The following PRKG1 variants were observed in gnomAD, a reference collection of about 807,000 sequenced individuals.
PRKG1 encodes the protein cGMP-dependent protein kinase 1.
A neutral mutation model predicts 88.1 loss-of-function variants in PRKG1; 35 were observed. That is an observed-to-expected ratio of 0.40 (90% CI 0.30 to 0.53). The LOEUF (loss-of-function observed/expected upper bound fraction) is 0.53, where lower values mean the gene tolerates loss of function less well. Ranked by LOEUF, PRKG1 falls within the 20% of genes least tolerant of loss-of-function variation. The pLI is 0.59. For synonymous variants in PRKG1, 303 were observed against 292.5 expected, an observed-to-expected ratio of 1.04 and a Z score of -0.37; for missense variants, 540 against 839.8, an observed-to-expected ratio of 0.64 and a Z score of 4.41.
intron 8 of PRKG1, among the ~76,000 whole-genome samples, chr10:52,147,366 C>G (rs1284872839): frequency 1.3e-5 from 2 of 152,268 alleles, no homozygotes; most frequent in African/African-American, 4.8e-5. Flanking sequence ...TTCTCAGCAT[C>G]CAAATATGAT....
chr10:51,624,068 A>G (rs1185744544), intron 3 of PRKG1, among the ~76,000 whole-genome samples: 2 of 152,140 alleles, frequency 1.3e-5, no homozygotes, highest in African/African-American at 4.8e-5. Context: ...TCCAGCATGA[A>G]ATGACAGAAA....
At chr10:52,011,263 A>G (rs193011103) in intron 5 of PRKG1, among the ~76,000 whole-genome samples, 1 of 152,182 alleles carries the variant, frequency 6.6e-6, no homozygotes, top group South Asian at 2.1e-4. Flanking sequence ...TTTATGCTAC[A>G]TAGTTCTAGG....
chr10:51,818,883 T>G (rs1169888496), intron 4 of PRKG1, among the ~76,000 whole-genome samples: 1 of 128,604 alleles, frequency 7.8e-6, no homozygotes, highest in Non-Finnish European at 1.5e-5. Context: ...GGTGGGCGCC[T>G]GTAGTCCCAG....
intron 5 of PRKG1, among the ~76,000 whole-genome samples, chr10:52,004,363 A>C (rs947463809): frequency 6.6e-6 from 1 of 152,220 alleles, no homozygotes; most frequent in African/African-American, 2.4e-5. Flanking sequence ...GCATGTTGAT[A>C]AACAGGTAGA....
chr10:51,812,770 T>C (rs1410528170), intron 4 of PRKG1, among the ~76,000 whole-genome samples: 2 of 152,180 alleles, frequency 1.3e-5, no homozygotes, highest in African/African-American at 4.8e-5. Context: ...AATGATGATT[T>C]TTTTTTCTCT....
At chr10:51,133,676 G>C (rs1845624346) in intron 1 of PRKG1, among the ~76,000 whole-genome samples, 2 of 152,126 alleles carry the variant, frequency 1.3e-5, no homozygotes, top group African/African-American at 2.4e-5. Context: ...AATGAAAAAA[G>C]AGATGGCCTA....
chr10:51,679,735 T>A (rs1458425364), intron 3 of PRKG1, among the ~76,000 whole-genome samples: 17 of 146,500 alleles, frequency 1.2e-4, no homozygotes, highest in Non-Finnish European at 2.3e-4. Flanking sequence ...TTTTTTTTTT[T>A]ATTATACTCT....
chr10:51,681,796 C>T (rs967596414), intron 3 of PRKG1, among the ~76,000 whole-genome samples: 2 of 152,038 alleles, frequency 1.3e-5, no homozygotes, highest in East Asian at 1.9e-4. Flanking sequence ...TAAATCATAA[C>T]ATTTTGATGC....
At chr10:51,089,781 G>C (rs1844353738) in intron 1 of PRKG1, among the ~76,000 whole-genome samples, 1 of 152,162 alleles carries the variant, frequency 6.6e-6, no homozygotes, top group Non-Finnish European at 1.5e-5. Context: ...CATCACTGTT[G>C]TACAGATGAG....
chr10:51,984,181 G>A (rs181413951), intron 5 of PRKG1, among the ~76,000 whole-genome samples: 112 of 152,250 alleles, frequency 7.4e-4, no homozygotes, highest in African/African-American at 2.4e-3. Flanking sequence ...TACAAAGGGT[G>A]ATATGAGAAA....
At chr10:51,548,923 C>A (rs1214040742) in intron 3 of PRKG1, among the ~76,000 whole-genome samples, 1 of 151,830 alleles carries the variant, frequency 6.6e-6, no homozygotes, top group Non-Finnish European at 1.5e-5. Context: ...ATGTTCACTG[C>A]TTACTTTAAT....
chr10:51,684,079 C>T (rs192045447), intron 3 of PRKG1, among the ~76,000 whole-genome samples: 235 of 152,170 alleles, frequency 1.5e-3, no homozygotes, highest in South Asian at 3.3e-3. Context: ...ATGTTCACAC[C>T]GGCACTATTC....
At chr10:51,798,788 C>T (rs1425444967) in intron 3 of PRKG1, among the ~76,000 whole-genome samples, 1 of 152,016 alleles carries the variant, frequency 6.6e-6, no homozygotes. Context: ...TTGCTCATTG[C>T]AAATCACTTA....
chr10:51,960,509 A>AC (rs1200345418), intron 5 of PRKG1, among the ~76,000 whole-genome samples: 3 of 149,152 alleles, frequency 2.0e-5, no homozygotes, highest in South Asian at 2.1e-4. Flanking sequence ...TCCCCACCAC[A>AC]CCCCCCACCA....
At chr10:52,267,106 A>T (rs1459667700) in intron 10 of PRKG1, among the ~76,000 whole-genome samples, 2 of 152,188 alleles carry the variant, frequency 1.3e-5, no homozygotes, top group East Asian at 3.9e-4. Context: ...TTGTATAATT[A>T]ATTTAGACAA....
intron 2 of PRKG1, among the ~76,000 whole-genome samples, chr10:51,286,892 G>A (rs1209633057): frequency 1.3e-5 from 2 of 152,014 alleles, no homozygotes; most frequent in Non-Finnish European, 2.9e-5. Context: ...GTTTTGTCTT[G>A]TTGAGACAGG....
intron 3 of PRKG1, among the ~76,000 whole-genome samples, chr10:51,569,294 G>A (rs183800976): frequency 1.7e-4 from 26 of 152,030 alleles, no homozygotes; most frequent in Admixed American, 4.6e-4. Context: ...ACTGTCAAAG[G>A]TTGCCTGACT....
intron 2 of PRKG1, among the ~76,000 whole-genome samples, chr10:51,458,607 A>G (rs978009207): frequency 3.3e-5 from 5 of 152,140 alleles, no homozygotes; most frequent in African/African-American, 1.2e-4. Flanking sequence ...AGAAACTGAG[A>G]GCCAAAGGTT....
At chr10:52,245,366 A>G (rs574064307) in intron 9 of PRKG1, among the ~76,000 whole-genome samples, 11 of 152,116 alleles carry the variant, frequency 7.2e-5, no homozygotes, top group Non-Finnish European at 1.5e-4. Flanking sequence ...CTTATTACTT[A>G]AGTGTATATT....
Sources: allele counts gnomAD v4.1 joint callset (sites outside exome capture counted in the v4.1 genomes callset), GRCh38; gene constraint gnomAD v4.1.1; transcripts MANE v1.5; gene names NCBI Gene and HGNC (gene_info 2026-07-23, HGNC 2026-07-21).